The following ABHD18 variants were observed in gnomAD, a reference collection of about 807,000 sequenced individuals.
ABHD18 encodes the protein abhydrolase domain containing 18.
Under a neutral mutation model 65.9 loss-of-function variants are expected in ABHD18, and 55 were observed. That is an observed-to-expected ratio of 0.84 (90% CI 0.67 to 1.05). ABHD18 has a LOEUF of 1.05. Ranked by LOEUF, ABHD18 falls within the 50% of genes least tolerant of loss-of-function variation. The probability of loss-of-function intolerance (pLI) is 0.00; values close to 1 mark genes in which losing one functional copy is unlikely to be tolerated. For missense variants in ABHD18, 533 were observed against 558.5 expected (o/e 0.95, Z 0.46); for synonymous variants, 181 against 180.2 (o/e 1.00, Z -0.04).
intron 7 of ABHD18, among the ~76,000 whole-genome samples, chr4:128,014,237 C>T (rs1180675444): frequency 1.3e-5 from 2 of 152,116 alleles, no homozygotes; most frequent in African/African-American, 4.8e-5. Flanking sequence ...CCCGCCTCAG[C>T]CCCCCAAAGT....
intron 3 of ABHD18, among the ~76,000 whole-genome samples, chr4:127,988,254 A>G (rs1488641777): frequency 6.6e-6 from 1 of 151,984 alleles, no homozygotes; most frequent in Non-Finnish European, 1.5e-5. Context: ...GTTTTGAGAC[A>G]GAGTCTCACT....
intron 4 of ABHD18, among the ~76,000 whole-genome samples, chr4:127,999,074 T>A (rs1035315136): frequency 4.6e-5 from 7 of 150,892 alleles, no homozygotes; most frequent in Non-Finnish European, 7.4e-5. Flanking sequence ...ATATATATAT[T>A]TTTAAAAAAC....
At chr4:127,968,562 A>C (rs1746139415) in intron 1 of ABHD18, among the ~76,000 whole-genome samples, 1 of 152,160 alleles carries the variant, frequency 6.6e-6, no homozygotes, top group African/African-American at 2.4e-5. Flanking sequence ...AAATGACAGG[A>C]AATAAAAGCA....
chr4:128,006,937 G>A (rs1001463446), intron 4 of ABHD18, among the ~76,000 whole-genome samples: 2 of 152,144 alleles, frequency 1.3e-5, no homozygotes, highest in Admixed American at 6.6e-5. Flanking sequence ...AAAGAAATTA[G>A]TTGTTCAAGA....
intron 10 of ABHD18, among the ~76,000 whole-genome samples, chr4:128,022,769 C>CTTTTT (rs1234304858): frequency 7.6e-6 from 1 of 130,958 alleles, no homozygotes. Flanking sequence ...CGATCCTTTT[C>CTTTTT]TTTTTTTTTT....
chr4:127,990,764 G>A (rs911878812), intron 4 of ABHD18, among the ~76,000 whole-genome samples: 1 of 152,112 alleles, frequency 6.6e-6, no homozygotes, highest in Non-Finnish European at 1.5e-5. Flanking sequence ...TAGATGTTCC[G>A]AAATACCTGA....
Position 128,020,144 on chromosome 4 carries a change from C to G in ABHD18, c.674C>G (p.Ser225Cys). The part of the protein sequence containing the change: ...PMPLIPCLSW[S>C]TASGVFTTGV... ...CCATTGATTCCATGCCTGTCTTGGTCCACAGCATCTGGGGTCTTCACTACG... is the reference window on the plus strand; with the variant it reads ...CCATTGATTCCATGCCTGTCTTGGTGCACAGCATCTGGGGTCTTCACTACG... The change falls in exon 9 of 13, where the codon TCC becomes TGC. Residue 225 changes from serine (S) to cysteine (C), a missense_variant. Around this residue, in one of 3 missense-constraint regions of ABHD18, gnomAD observed 309 missense variants for 313.5 expected, o/e 0.99. Coordinates refer to ENST00000645843, the MANE Select transcript of ABHD18 (RefSeq NM_001358451.3). 6.2e-7 allele frequency: 1 copy of G among 1,613,206 alleles called. No homozygotes were observed. Among genetic ancestry groups the G allele is most frequent in the Non-Finnish European group, 8.5e-7 (1 of 1,179,416 alleles).
chr4:127,966,892 A>C (rs1745667118), intron 1 of ABHD18, among the ~76,000 whole-genome samples: 1 of 151,284 alleles, frequency 6.6e-6, no homozygotes, highest in Non-Finnish European at 1.5e-5. Context: ...CTCAAAAAAA[A>C]AAAAAAAACC....
rs1175774919 is a variant in ABHD18, at chr4:128,020,150, C to T, written c.680C>T (p.Ala227Val). ...ATTCCATGCCTGTCTTGGTCCACAG[C>T]ATCTGGGGTCTTCACTACGGTAATT... is the stretch of plus-strand genomic sequence containing the variant. The part of the protein sequence containing the change: ...PLIPCLSWST[A>V]SGVFTTGVLS... The change falls in exon 9 of 13, where the codon GCA (alanine) becomes GTA (valine). Residue 227 changes from alanine (A) to valine (V), a missense_variant. Ala to Val is a moderately conservative substitution (Grantham distance 64). Around this residue, in one of 3 missense-constraint regions of ABHD18, gnomAD observed 309 missense variants for 313.5 expected, o/e 0.99. Coordinates refer to ENST00000645843, the MANE Select transcript of ABHD18 (RefSeq NM_001358451.3). 6.2e-7 allele frequency: 1 copy of T among 1,612,842 alleles called. No individual in the cohort carries two copies. Among genetic ancestry groups the T allele is most frequent in the Non-Finnish European group, 8.5e-7 (1 of 1,179,046 alleles).
intron 4 of ABHD18, among the ~76,000 whole-genome samples, chr4:127,997,400 A>G (rs1751916691): frequency 6.6e-6 from 1 of 152,178 alleles, no homozygotes; most frequent in African/African-American, 2.4e-5. Flanking sequence ...TAGGCAGTCA[A>G]AAGGATATTT....
intron 3 of ABHD18, among the ~76,000 whole-genome samples, chr4:127,989,481 C>A (rs1002154178): frequency 2.0e-5 from 3 of 151,868 alleles, no homozygotes; most frequent in African/African-American, 7.3e-5. Flanking sequence ...ACCCCAATTA[C>A]CCTGATTTGA....
In ABHD18 at chr4:128,028,726, T is replaced by C; in HGVS notation, c.1053T>C (p.Tyr351=). The change falls in exon 11 of 13, where the codon TAT becomes TAC. Residue 351 remains tyrosine, a synonymous_variant. Transcript: ENST00000645843. ...CACTTTCAACCAACAAAAGTGGTTATACAAGTCGCAACCCTCAGTCATACC... is the reference window on the plus strand; with the variant it reads ...CACTTTCAACCAACAAAAGTGGTTACACAAGTCGCAACCCTCAGTCATACC... ...NQTLSTNKSG[Y]TSRNPQSYHL... 1 of 1,613,976 alleles carries C rather than the reference T, an allele frequency of 6.2e-7. No homozygotes were observed. Among genetic ancestry groups the C allele is most frequent in the Non-Finnish European group, 8.5e-7 (1 of 1,179,888 alleles).
At position 128,038,585 on chromosome 4, in the gene ABHD18, A is replaced by G. The variant is rs1759071483; in HGVS notation, c.*2772A>G. The G allele has an allele frequency of 6.6e-6, 1 of 152,182 alleles. No homozygotes were observed. The highest frequency in any genetic ancestry group is 1.5e-5 in the Non-Finnish European group (1 of 68,036). The allele number at this position is 152,182 out of a possible 1,614,324, so 9.4% of individuals were successfully genotyped here. A position where few individuals can be genotyped will look rare whatever the true frequency, so the allele number is the denominator to read the frequency against. ...ATTTTTAAAATTTCATCTCTTAACC[A>G]GATGTTTTAAGAATATATCCCTAGG... On this transcript the variant is annotated 3_prime_UTR_variant, in exon 13 of 13. Coordinates refer to ENST00000645843, the MANE Select transcript of ABHD18 (RefSeq NM_001358451.3).
At chr4:127,999,490 A>G (rs1752313605) in intron 4 of ABHD18, among the ~76,000 whole-genome samples, 1 of 152,238 alleles carries the variant, frequency 6.6e-6, no homozygotes, top group African/African-American at 2.4e-5. Flanking sequence ...ATACATGGTC[A>G]TTATAAAATG....
chr4:127,992,761 C>G (rs1414553445), intron 4 of ABHD18, among the ~76,000 whole-genome samples: 2 of 152,034 alleles, frequency 1.3e-5, no homozygotes, highest in Non-Finnish European at 2.9e-5. Flanking sequence ...CCAGGCTGAT[C>G]TCAAATTCCT....
intron 1 of ABHD18, among the ~76,000 whole-genome samples, chr4:127,980,502 A>G (rs996084029): frequency 1.5e-4 from 23 of 152,160 alleles, no homozygotes; most frequent in Non-Finnish European, 2.6e-4. Flanking sequence ...TGTTAGCACT[A>G]GATATGCCTG....
chr4:128,011,481 T>TG (rs2149138687), intron 6 of ABHD18, among the ~76,000 whole-genome samples, 192 bp from the exon 7 acceptor site: 2 of 136,784 alleles, frequency 1.5e-5, no homozygotes, highest in South Asian at 4.7e-4. Context: ...TAAAGCTGGT[T>TG]TTTTTTTTTT....
intron 12 of ABHD18, among the ~76,000 whole-genome samples, chr4:128,033,035 C>T (rs1206926728): frequency 6.6e-6 from 1 of 152,016 alleles, no homozygotes; most frequent in Non-Finnish European, 1.5e-5. Flanking sequence ...GGGTGGATCA[C>T]GAGGCCAGGA....
In ABHD18 at chr4:128,039,144, C is replaced by CGTGTGT. The variant is rs1491380654; in HGVS notation, c.*3331_*3332insGTGTGT. The CGTGTGT allele has an allele frequency of 3.0e-5, 3 of 99,738 alleles. No homozygotes were observed. Among genetic ancestry groups the CGTGTGT allele is most frequent in the African/African-American group, 1.1e-4 (3 of 26,816 alleles). 6.2% of individuals were successfully genotyped at this position (99,738 alleles called of 1,614,324 possible). A position where few individuals can be genotyped will look rare whatever the true frequency, so the allele number is the denominator to read the frequency against. On this transcript the variant is annotated 3_prime_UTR_variant, in exon 13 of 13. Transcript: ENST00000645843. ...TATGTATTATATATACACACATATGCATATATATATATATATATATATATA... is the reference window on the plus strand; with the variant it reads ...TATGTATTATATATACACACATATGCGTGTGTATATATATATATATATATATATATA...
Sources: gnomAD v4.1 joint callset for allele counts (sites outside exome capture counted in the v4.1 genomes callset) on GRCh38, gnomAD v4.1.1 for gene constraint, gnomAD v4.1.1 regional missense constraint, MANE v1.5 for transcripts, NCBI Gene and HGNC (gene_info 2026-07-23, HGNC 2026-07-21) for gene names.